Variants in GRIK4 observed in about 807,000 individuals in gnomAD.
GRIK4 encodes glutamate ionotropic receptor kainate type subunit 4, also known as glutamate receptor ionotropic, kainate 4.
GRIK4 carries 40 observed loss-of-function variants against 104.9 expected under a neutral mutation model. That is an observed-to-expected ratio of 0.38 (90% confidence interval 0.30 to 0.50). The LOEUF is 0.50. GRIK4 is among the 20% of genes least tolerant of loss of function. The pLI is 0.93. For synonymous variants in GRIK4, 485 were observed against 524.9 expected, an observed-to-expected ratio of 0.92 and a Z score of 1.04; for missense variants, 1,047 against 1,308.1, an observed-to-expected ratio of 0.80 and a Z score of 3.08.
At chr11:120,832,150 C>A (rs1953447687) in intron 7 of GRIK4, 120 bp downstream of exon 7, 1 of 608,058 alleles carries the variant, frequency 1.6e-6, no homozygotes, top group Admixed American at 3.0e-5. Flanking sequence ...CTCTTACAAA[C>A]CTCTCTCTGT....
chr11:120,591,038 G>C (rs1414940397), intron 1 of GRIK4, among the ~76,000 whole-genome samples: 1 of 152,078 alleles, frequency 6.6e-6, no homozygotes, highest in Non-Finnish European at 1.5e-5. Flanking sequence ...AGGAGATCTG[G>C]CTGCTTCACC....
chr11:120,861,338 C>A (rs981083377), intron 8 of GRIK4, among the ~76,000 whole-genome samples: 1 of 152,026 alleles, frequency 6.6e-6, no homozygotes, highest in Non-Finnish European at 1.5e-5. Flanking sequence ...GAACTCCTGA[C>A]CTCAAGTGAT....
At chr11:120,602,287 G>C (rs186799953) in intron 1 of GRIK4, among the ~76,000 whole-genome samples, 1 of 152,272 alleles carries the variant, frequency 6.6e-6, no homozygotes, top group East Asian at 1.9e-4. Context: ...AACTGATTGA[G>C]TTTTTGTTCC....
At chr11:120,783,134 C>G (rs377368730) in intron 3 of GRIK4, among the ~76,000 whole-genome samples, 13 of 152,370 alleles carry the variant, frequency 8.5e-5, no homozygotes, top group Admixed American at 6.5e-4. Flanking sequence ...GCAGCCCCCC[C>G]ACAGAGAATT....
intron 1 of GRIK4, among the ~76,000 whole-genome samples, chr11:120,600,097 A>G (rs768235243): frequency 2.8e-4 from 43 of 152,242 alleles, no homozygotes; most frequent in Middle Eastern, 3.4e-3. Context: ...GGTTCCAGGG[A>G]GAGTAGTGCT....
chr11:120,770,214 CAT>C (rs1272882195), intron 3 of GRIK4, among the ~76,000 whole-genome samples: 7 of 152,310 alleles, frequency 4.6e-5, no homozygotes, highest in African/African-American at 1.4e-4. Flanking sequence ...GCATACAAAA[CAT>C]ACACACAAAA....
chr11:120,721,136 C>A (rs182924540), intron 3 of GRIK4, among the ~76,000 whole-genome samples: 91 of 152,282 alleles, frequency 6.0e-4, no homozygotes, highest in African/African-American at 2.1e-3. Context: ...TGGGCAATTA[C>A]AACATCTGTG....
intron 8 of GRIK4, among the ~76,000 whole-genome samples, chr11:120,852,116 CAACTT>C (rs1953987588): frequency 1.3e-5 from 2 of 152,204 alleles, no homozygotes; most frequent in African/African-American, 4.8e-5. Context: ...TTCTCATTGT[CAACTT>C]GACTTACTGA....
Position 120,986,289 on chromosome 11 carries a change from C to T in GRIK4, c.*29C>T, listed in dbSNP as rs1012260466. 11 of 749,388 alleles carry T rather than the reference C, an allele frequency of 1.5e-5. No homozygotes were observed. Among genetic ancestry groups the T allele is most frequent in the African/African-American group, 1.3e-4 (6 of 46,216 alleles). 46.4% of individuals were successfully genotyped at this position (749,388 alleles called of 1,614,324 possible). Reference sequence around the variant, plus strand: ...CGGAGGCCACAGGACGCGCAGAGGCCGGGCGGGGCGGGAGGGGAGGGGCGG... The same window carrying T: ...CGGAGGCCACAGGACGCGCAGAGGCTGGGCGGGGCGGGAGGGGAGGGGCGG... On this transcript the variant is annotated 3_prime_UTR_variant, in exon 21 of 21. Coordinates refer to ENST00000527524, the MANE Select transcript of GRIK4 (RefSeq NM_014619.5).
Position 120,810,253 on chromosome 11 carries a change from T to A in GRIK4, c.248-5125T>A, listed in dbSNP as rs373782281. ...CTGAGTTTGATGAAAAACATCAAGT[T>A]TCAGAGCCTTTTGGACTTTGGAATT... On this transcript the variant is annotated intron_variant, in intron 4 of 20. Transcript: ENST00000527524. 2.6e-5 allele frequency among the ~76,000 whole-genome samples: 4 copies of A among 152,360 alleles called. No individual in the cohort carries two copies. In the East Asian group the frequency reaches 7.7e-4, roughly 29 times the overall value.
intron 15 of GRIK4, among the ~76,000 whole-genome samples, chr11:120,954,992 C>G (rs929437083): frequency 2.6e-5 from 4 of 152,130 alleles, no homozygotes; most frequent in African/African-American, 9.7e-5. Flanking sequence ...CTCATCCAGA[C>G]CAGCTCTACT....
intron 14 of GRIK4, among the ~76,000 whole-genome samples, chr11:120,946,917 G>T (rs7107531): frequency 4.6e-5 from 7 of 152,168 alleles, no homozygotes; most frequent in African/African-American, 1.4e-4. Context: ...TGATCCCAGA[G>T]AAGGTCCCAA....
chr11:120,871,539 TC>T, intron 9 of GRIK4: 1 of 454,904 alleles, frequency 2.2e-6, no homozygotes, highest in South Asian at 1.6e-5. Flanking sequence ...TGTGCACTGT[TC>T]CCCATGGTGA....
chr11:120,849,098 G>A (rs534321071), intron 8 of GRIK4, among the ~76,000 whole-genome samples: 1 of 152,144 alleles, frequency 6.6e-6, no homozygotes, highest in Non-Finnish European at 1.5e-5. Context: ...CTGAGTTTGA[G>A]ATACTTGTGT....
chr11:120,719,408 C>T (rs1188248981), intron 3 of GRIK4, among the ~76,000 whole-genome samples: 3 of 152,152 alleles, frequency 2.0e-5, no homozygotes, highest in Admixed American at 6.5e-5. Flanking sequence ...TAGAGTGAGA[C>T]GGATCTAGAT....
At chr11:120,944,762 C>T (rs1041696096) in intron 14 of GRIK4, among the ~76,000 whole-genome samples, 16 of 152,224 alleles carry the variant, frequency 1.1e-4, no homozygotes, top group African/African-American at 3.6e-4. Context: ...ACCATGGACT[C>T]TGGACCCAGA....
intron 16 of GRIK4, among the ~76,000 whole-genome samples, chr11:120,959,063 A>G (rs1359646278): frequency 2.0e-5 from 3 of 152,082 alleles, no homozygotes; most frequent in African/African-American, 7.2e-5. Flanking sequence ...TGGTCTCTCT[A>G]TACATTTCTC....
chr11:120,704,163 C>T (rs559285969), intron 3 of GRIK4, among the ~76,000 whole-genome samples: 2 of 152,188 alleles, frequency 1.3e-5, no homozygotes, highest in Non-Finnish European at 2.9e-5. Flanking sequence ...AGTTTTTGCA[C>T]AGTGCCTGGC....
intron 14 of GRIK4, among the ~76,000 whole-genome samples, chr11:120,951,253 A>G (rs1943993627): frequency 6.6e-6 from 1 of 152,182 alleles, no homozygotes; most frequent in South Asian, 2.1e-4. Context: ...GGAGCGGAAA[A>G]TCACCCATGA....
Sources: gnomAD v4.1 joint callset for allele counts (sites outside exome capture counted in the v4.1 genomes callset) on GRCh38, gnomAD v4.1.1 for gene constraint, MANE v1.5 for transcripts, NCBI Gene and HGNC (gene_info 2026-07-23, HGNC 2026-07-21) for gene names.